Variants in MDGA2 observed in about 807,000 individuals in gnomAD.
The protein encoded by MDGA2 is MAM domain containing glycosylphosphatidylinositol anchor 2, also known as MAM domain-containing glycosylphosphatidylinositol anchor protein 2.
A neutral mutation model predicts 117.8 loss-of-function variants in MDGA2; 40 were observed. The ratio of observed to expected loss-of-function variants is 0.34; its 90% CI spans 0.26 to 0.44. The LOEUF (loss-of-function observed/expected upper bound fraction) is 0.44. Ranked by LOEUF, MDGA2 falls within the 20% of genes least tolerant of loss-of-function variation. The probability of loss-of-function intolerance (pLI) is 1.00; values close to 1 mark genes in which losing one functional copy is unlikely to be tolerated. For synonymous variants in MDGA2, 452 were observed against 439.0 expected (o/e 1.03, Z -0.37); for missense variants, 1,123 against 1,250.6 (o/e 0.90, Z 1.54).
At chr14:47,464,516 T>A (rs1248056081) in intron 1 of MDGA2, among the ~76,000 whole-genome samples, 1 of 151,950 alleles carries the variant, frequency 6.6e-6, no homozygotes, top group Non-Finnish European at 1.5e-5. Context: ...ATAAAAATCA[T>A]CAGCCTGCCT....
chr14:47,230,217 A>G (rs529448944), intron 2 of MDGA2, among the ~76,000 whole-genome samples: 12 of 152,112 alleles, frequency 7.9e-5, no homozygotes, highest in Admixed American at 7.9e-4. Flanking sequence ...ATTTACATCT[A>G]TTCATAAGGT....
chr14:47,531,093 A>T lies in MDGA2; in HGVS notation c.280+143424T>A, dbSNP rs1395052595. Among the ~76,000 whole-genome samples the T allele has an allele frequency of 2.6e-5, 4 of 152,044 alleles. No individual in the cohort carries two copies. In the East Asian group the frequency reaches 7.7e-4, roughly 29 times the overall value. On this transcript the variant is annotated intron_variant, in intron 1 of 16. Transcript: ENST00000399232. ...ACCCCGTCTCTACTAAAAATACAAA[A>T]AGTTAGCCAGGCGTGGTGGTGGGCG...
intron 8 of MDGA2, 25 bp downstream of exon 8, chr14:47,034,980 TATGGAA>T: frequency 6.3e-7 from 1 of 1,578,340 alleles, no homozygotes; most frequent in Non-Finnish European, 8.6e-7. Context: ...CTTGTCCCCA[TATGGAA>T]ATGCATAAAA....
chr14:46,999,260 T>TA (rs367626589), intron 8 of MDGA2, among the ~76,000 whole-genome samples: 1 of 151,682 alleles, frequency 6.6e-6, no homozygotes, highest in African/African-American at 2.4e-5. Context: ...AATATAATGC[T>TA]AAAAAATGTA....
chr14:47,013,772 G>GTATA (rs71448157), intron 8 of MDGA2, among the ~76,000 whole-genome samples: 23,158 of 93,608 alleles, frequency 0.25, 4,773 homozygotes, highest in Non-Finnish European at 0.3. Context: ...TAATTTCCTT[G>GTATA]TATATATATA....
intron 1 of MDGA2, among the ~76,000 whole-genome samples, chr14:47,355,037 T>C (rs1443384691): frequency 1.3e-5 from 2 of 152,046 alleles, no homozygotes; most frequent in South Asian, 2.1e-4. Context: ...TTCAGATATG[T>C]TTTTAAAAGA....
At chr14:47,160,195 T>A (rs1294495900) in intron 3 of MDGA2, among the ~76,000 whole-genome samples, 1 of 152,200 alleles carries the variant, frequency 6.6e-6, no homozygotes, top group African/African-American at 2.4e-5. Context: ...GCTTACCTAC[T>A]CTGTTATAAG....
chr14:47,506,038 A>G (rs1036946200), intron 1 of MDGA2, among the ~76,000 whole-genome samples: 2 of 152,182 alleles, frequency 1.3e-5, no homozygotes, highest in Non-Finnish European at 2.9e-5. Context: ...ATAAATAACT[A>G]CTAAAATACA....
intron 8 of MDGA2, among the ~76,000 whole-genome samples, chr14:46,976,782 C>T (rs908677884): frequency 4.6e-5 from 7 of 151,784 alleles, no homozygotes; most frequent in East Asian, 3.9e-4. Flanking sequence ...AAAAGTAATT[C>T]TTCTAGAATT....
chr14:46,919,448 T>C (rs995268588), intron 10 of MDGA2, among the ~76,000 whole-genome samples: 40 of 152,242 alleles, frequency 2.6e-4, no homozygotes, highest in African/African-American at 9.6e-4. Flanking sequence ...TTTAACCCTT[T>C]GAAAAAGATA....
intron 6 of MDGA2, among the ~76,000 whole-genome samples, chr14:47,095,129 T>G (rs888585795): frequency 2.0e-5 from 3 of 152,052 alleles, no homozygotes; most frequent in African/African-American, 7.2e-5. Flanking sequence ...CCATGGTAGT[T>G]GTGCAGTAGA....
chr14:47,481,389 G>A (rs181432276), intron 1 of MDGA2, among the ~76,000 whole-genome samples: 4 of 152,076 alleles, frequency 2.6e-5, no homozygotes, highest in Admixed American at 2.6e-4. Context: ...TGGTCTGCTC[G>A]TGATGGAAAA....
intron 12 of MDGA2, among the ~76,000 whole-genome samples, chr14:46,876,440 G>A (rs1381496584): frequency 6.6e-6 from 1 of 151,448 alleles, no homozygotes; most frequent in Admixed American, 6.6e-5. Flanking sequence ...AAAAGTCAAT[G>A]TAATATAAAA....
At chr14:47,230,978 GA>G (rs1464933565) in intron 2 of MDGA2, among the ~76,000 whole-genome samples, 1 of 151,894 alleles carries the variant, frequency 6.6e-6, no homozygotes, top group African/African-American at 2.4e-5. Context: ...TTTGGATTTT[GA>G]ATAAAGCTTA....
chr14:46,862,755 G>A (rs1881564069), intron 14 of MDGA2, among the ~76,000 whole-genome samples: 5 of 151,882 alleles, frequency 3.3e-5, no homozygotes. Flanking sequence ...CCAGCTCTAG[G>A]CAAGATCTAT....
At chr14:47,354,335 C>A (rs2138354889) in intron 1 of MDGA2, among the ~76,000 whole-genome samples, 1 of 152,246 alleles carries the variant, frequency 6.6e-6, no homozygotes, top group Non-Finnish European at 1.5e-5. Context: ...TACCTGCAAC[C>A]ACTGCACATT....
At chr14:47,558,376 G>A (rs1895728159) in intron 1 of MDGA2, among the ~76,000 whole-genome samples, 1 of 152,176 alleles carries the variant, frequency 6.6e-6, no homozygotes, top group Non-Finnish European at 1.5e-5. Flanking sequence ...AGCATCTGGA[G>A]GAAGTTATAT....
intron 1 of MDGA2, among the ~76,000 whole-genome samples, chr14:47,391,711 G>A (rs1566766385): frequency 6.6e-6 from 1 of 152,102 alleles, no homozygotes; most frequent in Non-Finnish European, 1.5e-5. Flanking sequence ...TAAAATACAT[G>A]AATTTGAAAA....
At chr14:47,349,718 T>C (rs1239872979) in intron 1 of MDGA2, among the ~76,000 whole-genome samples, 1 of 152,234 alleles carries the variant, frequency 6.6e-6, no homozygotes, top group Non-Finnish European at 1.5e-5. Context: ...TTCTGAAATG[T>C]TTAGAGATAA....
Sources: gnomAD v4.1 joint callset for allele counts (sites outside exome capture counted in the v4.1 genomes callset) on GRCh38, gnomAD v4.1.1 for gene constraint, MANE v1.5 for transcripts, NCBI Gene and HGNC (gene_info 2026-07-23, HGNC 2026-07-21) for gene names.